Variants in LRRC56 observed in about 807,000 individuals in gnomAD.
LRRC56 encodes the protein leucine rich repeat containing 56, also known as leucine-rich repeat-containing protein 56.
LRRC56 carries 41 observed loss-of-function variants against 47.8 expected under a neutral mutation model. The observed-to-expected ratio is 0.86, with a 90% CI of 0.67 to 1.11. The LOEUF is 1.11. LRRC56 is among the 50% of genes most tolerant of loss of function. The pLI, the probability that LRRC56 is intolerant of heterozygous loss-of-function variation, is 0.00. For missense variants in LRRC56, 759 were observed against 704.2 expected, an observed-to-expected ratio of 1.08 and a Z score of -0.88; for synonymous variants, 387 against 311.2, an observed-to-expected ratio of 1.24 and a Z score of -2.56.
rs1189803404 is a variant in LRRC56 at position 541,832 on chromosome 11, A to G, written c.265+208A>G. On this transcript the variant is annotated intron_variant, in intron 5 of 13. Coordinates refer to ENST00000270115, the MANE Select transcript of LRRC56 (RefSeq NM_198075.4). The surrounding 1 kb of genome is among the most constrained non-coding windows in gnomAD (Gnocchi z 4.1). Reference sequence around the variant, plus strand: ...CCCCGCACACCACACCAGTACCCCCAGCACGCTCAGTACCCCACACACCCA... The same window carrying G: ...CCCCGCACACCACACCAGTACCCCCGGCACGCTCAGTACCCCACACACCCA... 1.9e-4 allele frequency among the ~76,000 whole-genome samples: 25 copies of G among 128,860 alleles called. No homozygotes were observed. The highest frequency in any genetic ancestry group is 2.7e-4 in the African/African-American group (9 of 33,438). 84.5% of individuals were successfully genotyped at this position (128,860 alleles called of 152,430 possible).
At chr11:544,029 T>G (rs1043774115) in intron 5 of LRRC56, among the ~76,000 whole-genome samples, 2 of 152,246 alleles carry the variant, frequency 1.3e-5, no homozygotes, top group Admixed American at 6.5e-5. Flanking sequence ...ATTACAGGCG[T>G]GAGCCACCGC....
upstream of LRRC56, among the ~76,000 whole-genome samples, chr11:535,838 T>A (rs1851466415): frequency 6.6e-6 from 1 of 151,746 alleles, no homozygotes; most frequent in South Asian, 2.1e-4. Context: ...CGGGGCGGCA[T>A]CTCCGAGCAG....
At chr11:532,487 T>A in the LRRC56 span, 1 of 1,088,680 alleles carries the variant, frequency 9.2e-7, no homozygotes, top group Non-Finnish European at 1.3e-6. Context: ...CTGCACCTCC[T>A]TCCTGCATCC....
At chr11:523,793 T>C in the LRRC56 span, among the ~76,000 whole-genome samples, 1 of 151,996 alleles carries the variant, frequency 6.6e-6, no homozygotes, top group Non-Finnish European at 1.5e-5. Context: ...CCGGGTGTGG[T>C]GGCGCACGCC....
In LRRC56 at chr11:554,260, G is replaced by A. The variant is rs754478221; in HGVS notation, c.1613G>A (p.Ser538Asn). 3 of 1,494,812 alleles carry A rather than the reference G, an allele frequency of 2.0e-6. No homozygotes were observed. The highest frequency in any genetic ancestry group is 2.7e-6 in the Non-Finnish European group (3 of 1,126,410). 92.6% of individuals were successfully genotyped at this position (1,494,812 alleles called of 1,614,324 possible). Reference sequence around the variant, plus strand: ...AGGGCAGCTGAACTCTCTCACCCCAGCCCCGTCCCCACTTAATATAGCCCC... The same window carrying A: ...AGGGCAGCTGAACTCTCTCACCCCAACCCCGTCCCCACTTAATATAGCCCC... ...PPRAAELSHP[S>N]PVPT The change falls in exon 14 of 14, where the codon AGC becomes AAC. Residue 538 changes from serine to asparagine, a missense_variant. Physicochemically the swap from Ser to Asn is conservative, Grantham distance 46. Transcript: ENST00000270115.
At chr11:548,160 T>C (rs1852183296) in intron 6 of LRRC56, among the ~76,000 whole-genome samples, 1 of 152,152 alleles carries the variant, frequency 6.6e-6, no homozygotes, top group Admixed American at 6.6e-5. Flanking sequence ...CAAAGGAACT[T>C]GTCATAAATA....
In LRRC56 at chr11:554,346, A is replaced by G. The variant is rs1852637329; in HGVS notation, c.*70A>G. ...GCCCACATATGTGGTCACAGAGCAC[A>G]GAATACCTGGGCGGGTGTGTTGGGG... On this transcript the variant is annotated 3_prime_UTR_variant, in exon 14 of 14. Coordinates refer to ENST00000270115, the MANE Select transcript of LRRC56 (RefSeq NM_198075.4). 1.5e-5 allele frequency: 20 copies of G among 1,347,212 alleles called. No homozygotes were observed. The highest frequency in any genetic ancestry group is 1.9e-5 in the Non-Finnish European group (20 of 1,026,674). The allele number at this position is 1,347,212 out of a possible 1,614,324, so 83.5% of individuals were successfully genotyped here. A position where few individuals can be genotyped will look rare whatever the true frequency, so the allele number is the denominator to read the frequency against.
chr11:515,064 A>G, the LRRC56 span, among the ~76,000 whole-genome samples: 1 of 152,072 alleles, frequency 6.6e-6, no homozygotes, highest in African/African-American at 2.4e-5. Flanking sequence ...TTTTCTTTTC[A>G]TTGATTTTCC....
the LRRC56 span, among the ~76,000 whole-genome samples, chr11:513,313 C>T: frequency 2.6e-5 from 4 of 152,110 alleles, no homozygotes; most frequent in South Asian, 2.1e-4. Flanking sequence ...CCACCATGCC[C>T]GGCTAATTTT....
At chr11:538,509 T>C (rs1333666979) in intron 1 of LRRC56, 89 bp from the exon 2 acceptor site, 1 of 152,236 alleles carries the variant, frequency 6.6e-6, no homozygotes, top group Non-Finnish European at 1.5e-5. Flanking sequence ...CCTTGGTGCA[T>C]GGTCACCTTC....
the LRRC56 span, chr11:528,753 T>G: frequency 6.6e-6 from 1 of 152,150 alleles, no homozygotes; most frequent in South Asian, 2.1e-4. Context: ...ACGCACACGT[T>G]CACCCACATA....
the LRRC56 span, among the ~76,000 whole-genome samples, chr11:520,940 C>T: frequency 3.3e-5 from 5 of 152,318 alleles, no homozygotes; most frequent in South Asian, 6.2e-4. Context: ...ATATTGAGAC[C>T]GCGTCGGTTA....
chr11:507,723 G>C, the LRRC56 span, among the ~76,000 whole-genome samples: 1 of 152,250 alleles, frequency 6.6e-6, no homozygotes, highest in East Asian at 1.9e-4. Flanking sequence ...TCGGGGTCGC[G>C]ACTCTAGGCG....
chr11:544,672 G>A, intron 5 of LRRC56, 48 bp from the exon 6 acceptor site: 1 of 1,593,138 alleles, frequency 6.3e-7, no homozygotes, highest in Non-Finnish European at 8.6e-7. Flanking sequence ...GTGCAGAGGT[G>A]GGCGGGGTGA....
In LRRC56 at chr11:552,017, C is replaced by T. The variant is rs999005933; in HGVS notation, c.1038+50C>T. Reference sequence around the variant, plus strand: ...CCACGAGAACCAGTGTCCAGGGTTGCGGCCCTGACAGTGCCCTGCCCTGCC... The same window carrying T: ...CCACGAGAACCAGTGTCCAGGGTTGTGGCCCTGACAGTGCCCTGCCCTGCC... On this transcript the variant is annotated intron_variant, in intron 11 of 13. Coordinates refer to ENST00000270115, the MANE Select transcript of LRRC56 (RefSeq NM_198075.4). 20 of 1,609,100 alleles carry T rather than the reference C, an allele frequency of 1.2e-5. 1 individual carries two copies. Among genetic ancestry groups the T allele is most frequent in the Admixed American group, 6.7e-5 (4 of 59,882 alleles).
intron 6 of LRRC56, among the ~76,000 whole-genome samples, chr11:547,817 G>A (rs940540359): frequency 2.6e-5 from 4 of 152,072 alleles, no homozygotes; most frequent in African/African-American, 9.7e-5. Flanking sequence ...AAAATGACTA[G>A]GTCATAAATT....
At chr11:517,364 G>A in the LRRC56 span, among the ~76,000 whole-genome samples, 5 of 147,826 alleles carry the variant, frequency 3.4e-5, no homozygotes, top group South Asian at 2.2e-4. Context: ...GGAAGTGGGC[G>A]CCTCTGCCCA....
the LRRC56 span, chr11:506,926 C>G: frequency 6.6e-6 from 1 of 152,264 alleles, no homozygotes; most frequent in Non-Finnish European, 1.5e-5. Context: ...CTGCCCAGCG[C>G]AACCTCGGCC....
the LRRC56 span, chr11:506,962 C>G: frequency 6.6e-6 from 1 of 152,320 alleles, no homozygotes; most frequent in Non-Finnish European, 1.5e-5. Flanking sequence ...CGGACCCCTG[C>G]CCCGCCCGAC....
Sources: gnomAD v4.1 joint callset for allele counts (sites outside exome capture counted in the v4.1 genomes callset) on GRCh38, gnomAD v4.1.1 for gene constraint, Gnocchi (gnomAD v3.1) non-coding constraint, MANE v1.5 for transcripts, NCBI Gene and HGNC (gene_info 2026-07-23, HGNC 2026-07-21) for gene names.